The following GPR141 variants were observed in gnomAD, a reference collection of about 807,000 sequenced individuals.
GPR141 encodes the protein probable G protein-coupled receptor 141.
GPR141 carries 6 observed loss-of-function variants against 6.8 expected under a neutral mutation model. The ratio of observed to expected loss-of-function variants is 0.88; its 90% confidence interval spans 0.48 to 1.74. The LOEUF (loss-of-function observed/expected upper bound fraction) is 1.74, where lower values mean the gene tolerates loss of function less well. GPR141 is among the 40% of genes most tolerant of loss of function. GPR141 has a pLI of 0.01. For synonymous variants in GPR141, 140 were observed against 142.3 expected (o/e 0.98, Z 0.11); for missense variants, 372 against 372.9 (o/e 1.00, Z 0.02).
chr7:37,727,842 A>G (rs1288377251), intron 2 of GPR141, among the ~76,000 whole-genome samples: 3 of 152,252 alleles, frequency 2.0e-5, no homozygotes, highest in Non-Finnish European at 4.4e-5. Context: ...GTCATTTAGT[A>G]TTCTAAAATT....
At chr7:37,699,952 A>C (rs1473026227) in intron 2 of GPR141, among the ~76,000 whole-genome samples, 1 of 152,196 alleles carries the variant, frequency 6.6e-6, no homozygotes, top group Non-Finnish European at 1.5e-5. Flanking sequence ...TGGTTATTGA[A>C]TAGCTTTTCT....
At chr7:37,718,775 C>G (rs567134569) in intron 2 of GPR141, among the ~76,000 whole-genome samples, 1 of 152,322 alleles carries the variant, frequency 6.6e-6, no homozygotes, top group East Asian at 1.9e-4. Flanking sequence ...TTAACAATTG[C>G]TCTTCTGAGA....
chr7:37,718,212 T>A (rs2131807383), intron 2 of GPR141, among the ~76,000 whole-genome samples: 1 of 152,198 alleles, frequency 6.6e-6, no homozygotes, highest in African/African-American at 2.4e-5. Flanking sequence ...GCAAATAGAT[T>A]CACAGATAGA....
At chr7:37,694,801 C>G (rs1272465516) in intron 2 of GPR141, among the ~76,000 whole-genome samples, 1 of 152,050 alleles carries the variant, frequency 6.6e-6, no homozygotes, top group East Asian at 1.9e-4. Context: ...CATGAGGGAT[C>G]CACCCCCATG....
chr7:37,741,954 G>C lies in GPR141; in HGVS notation c.*643G>C, dbSNP rs1812585890. On this transcript the variant is annotated 3_prime_UTR_variant, in exon 3 of 3. Coordinates refer to ENST00000334425, the MANE Select transcript of GPR141 (RefSeq NM_001381946.1). ...TTTGTCCTGTGAAAGGTCGTTTAAG[G>C]ACTTGGGGATCAACTTCCTCAATTA... 6.6e-6 allele frequency among the ~76,000 whole-genome samples: 1 copy of C among 152,150 alleles called. No individual in the cohort carries two copies.
At chr7:37,715,865 A>G (rs1284922739) in intron 2 of GPR141, among the ~76,000 whole-genome samples, 5 of 152,198 alleles carry the variant, frequency 3.3e-5, no homozygotes, top group Non-Finnish European at 5.9e-5. Flanking sequence ...CTAAAACAAG[A>G]GAATTTGCCT....
rs908026268 is a variant in GPR141 at position 37,743,586 on chromosome 7, A to T, written c.*2275A>T. On this transcript the variant is annotated 3_prime_UTR_variant, in exon 3 of 3. Coordinates refer to ENST00000334425, the MANE Select transcript of GPR141 (RefSeq NM_001381946.1). ...TTAGAAAAATATTTAAATTAAAAGT[A>T]TTCATGAGAATTTCATTACCTTGTA... Among the ~76,000 whole-genome samples, 3 of 152,000 alleles carry T rather than the reference A, an allele frequency of 2.0e-5. No individual in the cohort carries two copies. Among genetic ancestry groups the T allele is most frequent in the Non-Finnish European group, 4.4e-5 (3 of 67,958 alleles).
At chr7:37,693,301 T>A (rs904995634) in intron 2 of GPR141, among the ~76,000 whole-genome samples, 2 of 152,192 alleles carry the variant, frequency 1.3e-5, no homozygotes, top group African/African-American at 2.4e-5. Context: ...TTGTCAAAGA[T>A]CAGATGATTG....
chr7:37,735,804 A>G (rs941145428), intron 2 of GPR141, among the ~76,000 whole-genome samples: 1 of 152,218 alleles, frequency 6.6e-6, no homozygotes, highest in East Asian at 1.9e-4. Flanking sequence ...TTAAGAAATT[A>G]AAGGAAAAGG....
rs932356558 is a variant in GPR141, at chr7:37,742,479, A to C, written c.*1168A>C. On this transcript the variant is annotated 3_prime_UTR_variant, in exon 3 of 3. Transcript: ENST00000334425. ...TTTCATTGTTCAACTCCCACTTCTAAGTGAGAACATGCGGTGTTTGGTTTT... is the reference window on the plus strand; with the variant it reads ...TTTCATTGTTCAACTCCCACTTCTACGTGAGAACATGCGGTGTTTGGTTTT... 5.0e-4 allele frequency among the ~76,000 whole-genome samples: 76 copies of C among 151,896 alleles called. No individual in the cohort carries two copies. Among genetic ancestry groups the C allele is most frequent in the African/African-American group, 1.8e-3 (74 of 41,336 alleles).
chr7:37,734,210 G>T (rs1812123864), intron 2 of GPR141, among the ~76,000 whole-genome samples: 1 of 152,102 alleles, frequency 6.6e-6, no homozygotes, highest in Admixed American at 6.5e-5. Flanking sequence ...TAATTATTAT[G>T]TTGTATATTG....
chr7:37,693,098 T>C (rs1038928401), intron 2 of GPR141, among the ~76,000 whole-genome samples: 1 of 152,224 alleles, frequency 6.6e-6, no homozygotes, highest in Non-Finnish European at 1.5e-5. Flanking sequence ...TCCTGAATAG[T>C]ATTGCCTAGG....
intron 2 of GPR141, among the ~76,000 whole-genome samples, chr7:37,721,062 A>G (rs1337670179): frequency 2.0e-5 from 3 of 152,208 alleles, no homozygotes; most frequent in African/African-American, 4.8e-5. Context: ...GGGATGGAGC[A>G]GTGAAGAAAT....
At chr7:37,692,682 T>C (rs919551380) in intron 2 of GPR141, among the ~76,000 whole-genome samples, 11 of 152,194 alleles carry the variant, frequency 7.2e-5, no homozygotes, top group African/African-American at 1.9e-4. Context: ...TTTTTAATGA[T>C]ACTATTCTAA....
At chr7:37,734,628 CAGAAG>C (rs1812142949) in intron 2 of GPR141, among the ~76,000 whole-genome samples, 1 of 152,154 alleles carries the variant, frequency 6.6e-6, no homozygotes, top group Non-Finnish European at 1.5e-5. Flanking sequence ...CTTTTATCTT[CAGAAG>C]AGGAGAAAAG....
intron 2 of GPR141, among the ~76,000 whole-genome samples, chr7:37,733,820 T>A (rs1335623500): frequency 6.6e-6 from 1 of 152,178 alleles, no homozygotes; most frequent in Non-Finnish European, 1.5e-5. Flanking sequence ...AAAGGTGATG[T>A]TTAAAATATT....
At chr7:37,716,986 C>A (rs1811079652) in intron 2 of GPR141, among the ~76,000 whole-genome samples, 2 of 152,168 alleles carry the variant, frequency 1.3e-5, no homozygotes, top group East Asian at 3.9e-4. Flanking sequence ...TAAAAGGGCT[C>A]AGCTCTATGT....
chr7:37,741,320 T>C lies in GPR141; in HGVS notation c.*9T>C, dbSNP rs751237773. 1 of 1,551,342 alleles carries C rather than the reference T, an allele frequency of 6.4e-7. No individual in the cohort carries two copies. The highest frequency in any genetic ancestry group is 2.3e-5 in the East Asian group (1 of 44,276). On this transcript the variant is annotated 3_prime_UTR_variant, in exon 3 of 3. Transcript: ENST00000334425. ...GTGTTTTGTGCCGTTAGCCACAAAC[T>C]ACAGTATTCATATTTGCTTCCTTTA...
At chr7:37,722,301 C>T (rs1016484289) in intron 2 of GPR141, among the ~76,000 whole-genome samples, 16 of 151,980 alleles carry the variant, frequency 1.1e-4, no homozygotes, top group Non-Finnish European at 1.5e-4. Context: ...TAAAAGTGCA[C>T]GGAAACAGGT....
Sources: allele counts gnomAD v4.1 joint callset (sites outside exome capture counted in the v4.1 genomes callset), GRCh38; gene constraint gnomAD v4.1.1; transcripts MANE v1.5; gene names NCBI Gene and HGNC (gene_info 2026-07-23, HGNC 2026-07-21).